NSUN7: variants seen among roughly 807,000 people sequenced by gnomAD.
NSUN7 encodes the protein NOP2/Sun RNA methyltransferase family member 7.
In NSUN7, 39 loss-of-function variants were observed where a neutral mutation model predicts 58.5. The observed-to-expected ratio is 0.67, with a 90% confidence interval of 0.52 to 0.87. NSUN7 has a LOEUF of 0.87. NSUN7 is among the 40% of genes least tolerant of loss of function. NSUN7 has a pLI of 0.00. For synonymous variants in NSUN7, 278 were observed against 303.7 expected, an observed-to-expected ratio of 0.92 and a Z score of 0.88; for missense variants, 765 against 844.1, an observed-to-expected ratio of 0.91 and a Z score of 1.16.
At chr4:40,784,761 TA>T (rs1428115443) in intron 7 of NSUN7, among the ~76,000 whole-genome samples, 1 of 152,222 alleles carries the variant, frequency 6.6e-6, no homozygotes, top group Non-Finnish European at 1.5e-5. Flanking sequence ...GTTGTATACT[TA>T]AACCTTAAGA....
rs1357285618 is a variant in NSUN7, at chr4:40,750,714, A to C, written c.21A>C (p.Glu7Asp). The change falls in exon 2 of 12, where the codon GAA becomes GAC. Residue 7 changes from glutamate (E) to aspartate (D), a missense_variant. By Grantham distance (45) the Glu-to-Asp change is conservative (BLOSUM62 2). Coordinates refer to ENST00000381782, the MANE Select transcript of NSUN7 (RefSeq NM_024677.6). ...CAGACATGCTGAATTCCACGGGCGA[A>C]CTGGAGTTTTCGAACGAAGAAGATC... MLNSTGELEFSNEEDPE... is the reference protein window; with the variant it reads MLNSTGDLEFSNEEDPE... 11 of 1,613,568 alleles carry C rather than the reference A, an allele frequency of 6.8e-6. No individual in the cohort carries two copies. Among genetic ancestry groups the C allele is most frequent in the Non-Finnish European group, 9.3e-6 (11 of 1,179,766 alleles).
Position 40,774,255 on chromosome 4 carries a change from CT to C in NSUN7, c.489-9del. 1 of 1,613,380 alleles carries C rather than the reference CT, an allele frequency of 6.2e-7. No homozygotes were observed. The highest frequency in any genetic ancestry group is 8.5e-7 in the Non-Finnish European group (1 of 1,179,392). On this transcript the variant is annotated splice_polypyrimidine_tract_variant and intron_variant, in intron 4 of 11. Coordinates refer to ENST00000381782, the MANE Select transcript of NSUN7 (RefSeq NM_024677.6). ...ATGCAATAGATTAAGGATGGATTTTCTGTCTCTAGTTTTAAGATAAAATTGG... is the reference window on the plus strand; with the variant it reads ...ATGCAATAGATTAAGGATGGATTTTCGTCTCTAGTTTTAAGATAAAATTGG...
At chr4:40,799,120 C>T (rs142361888) in intron 10 of NSUN7, among the ~76,000 whole-genome samples, 1,916 of 100,140 alleles carry the variant, frequency 0.019, 18 homozygotes, top group Middle Eastern at 0.12. Context: ...GAATCTTGCT[C>T]TGTCATCCAG....
intron 7 of NSUN7, among the ~76,000 whole-genome samples, chr4:40,789,792 G>A (rs143982891): frequency 2.5e-3 from 381 of 152,294 alleles, no homozygotes; most frequent in Middle Eastern, 0.01. Flanking sequence ...ACAGAGAATA[G>A]GAAGAGGGAA....
At chr4:40,803,410 T>A (rs988186251) in intron 10 of NSUN7, among the ~76,000 whole-genome samples, 5 of 152,172 alleles carry the variant, frequency 3.3e-5, no homozygotes, top group Non-Finnish European at 5.9e-5. Context: ...CCGACAGTGT[T>A]AAAGTGTTCC....
rs113768278 is a variant in NSUN7 at position 40,779,163 on chromosome 4, T to TA, written c.1036+2914dup. Among the ~76,000 whole-genome samples, 81 of 147,664 alleles carry TA rather than the reference T, an allele frequency of 5.5e-4. 1 individual carries two copies. Among genetic ancestry groups the TA allele is most frequent in the African/African-American group, 1.5e-3 (62 of 40,316 alleles). On this transcript the variant is annotated intron_variant, in intron 7 of 11. Coordinates refer to ENST00000381782, the MANE Select transcript of NSUN7 (RefSeq NM_024677.6). The stretch of plus-strand genomic sequence containing the variant: ...AGTGAGACACTGTCTCTACTAAAAA[T>TA]AAAAAAAAAATAGCTGGATGTAGTG...
intron 10 of NSUN7, among the ~76,000 whole-genome samples, chr4:40,799,169 T>G (rs1743467001): frequency 7.4e-6 from 1 of 135,720 alleles, no homozygotes; most frequent in Admixed American, 8.3e-5. Flanking sequence ...CACTACAAAC[T>G]CCGCCTCCCA....
chr4:40,808,213 AGT>A (rs1743929179), intron 11 of NSUN7, 92 bp from the exon 12 acceptor site: 1 of 1,352,230 alleles, frequency 7.4e-7, no homozygotes, highest in East Asian at 2.3e-5. Flanking sequence ...TAATAAAGAG[AGT>A]CTTTTTATTT....
chr4:40,774,203 A>G (rs901519534), intron 4 of NSUN7, 62 bp from the exon 5 acceptor site: 30 of 1,385,392 alleles, frequency 2.2e-5, no homozygotes, highest in Non-Finnish European at 2.8e-5. Context: ...TAGAGTTTCC[A>G]GTGGAAAATT....
At chr4:40,784,378 T>A (rs1278391817) in intron 7 of NSUN7, among the ~76,000 whole-genome samples, 1 of 152,176 alleles carries the variant, frequency 6.6e-6, no homozygotes, top group African/African-American at 2.4e-5. Flanking sequence ...AGCCCAAATG[T>A]CCATCAAATG....
intron 2 of NSUN7, among the ~76,000 whole-genome samples, chr4:40,757,690 T>A (rs986022151): frequency 1.0e-4 from 14 of 137,936 alleles, no homozygotes; most frequent in Admixed American, 5.3e-4. Flanking sequence ...ATATACACAC[T>A]GTGTATATAT....
At chr4:40,753,899 T>C (rs1039212885) in intron 2 of NSUN7, among the ~76,000 whole-genome samples, 12 of 152,282 alleles carry the variant, frequency 7.9e-5, no homozygotes, top group Middle Eastern at 3.4e-3. Context: ...TCTGCCGCCA[T>C]GTGAGATGTG....
intron 2 of NSUN7, among the ~76,000 whole-genome samples, chr4:40,754,373 C>T (rs1741030006): frequency 6.6e-6 from 1 of 152,070 alleles, no homozygotes; most frequent in Non-Finnish European, 1.5e-5. Flanking sequence ...GTCTTGAACT[C>T]CTAACCTCAG....
intron 8 of NSUN7, among the ~76,000 whole-genome samples, chr4:40,793,396 G>A (rs769197704): frequency 3.9e-5 from 6 of 151,928 alleles, no homozygotes; most frequent in African/African-American, 1.2e-4. Context: ...GAGCCGAGAT[G>A]GTGCCACTGC....
At chr4:40,807,430 C>G (rs1259125423) in intron 11 of NSUN7, among the ~76,000 whole-genome samples, 1 of 150,946 alleles carries the variant, frequency 6.6e-6, no homozygotes, top group African/African-American at 2.4e-5. Context: ...CTCATTGCAA[C>G]CTCCGCCTCC....
At chr4:40,802,596 C>G (rs1025250469) in intron 10 of NSUN7, among the ~76,000 whole-genome samples, 4 of 150,482 alleles carry the variant, frequency 2.7e-5, no homozygotes, top group Non-Finnish European at 5.9e-5. Flanking sequence ...GCCACACCAG[C>G]ATGTACCAGC....
At position 40,808,480 on chromosome 4, in the gene NSUN7, T is replaced by C. The variant is rs1743974484; in HGVS notation, c.1698T>C (p.Ile566=). ...ATTDNGIQMK[I]AEFLNRETKA... is the part of the protein sequence containing the mutation. The stretch of plus-strand genomic sequence containing the variant: ...CTGATAATGGCATCCAAATGAAAAT[T>C]GCTGAGTTCCTGAATCGAGAAACTA... The change falls in exon 12 of 12, where the codon ATT becomes ATC. Residue 566 remains isoleucine, a synonymous_variant. Transcript: ENST00000381782. The C allele has an allele frequency of 3.2e-6, 5 of 1,573,394 alleles. No homozygotes were observed. Among genetic ancestry groups the C allele is most frequent in the Non-Finnish European group, 4.3e-6 (5 of 1,156,776 alleles).
In NSUN7 at chr4:40,808,555, G is replaced by GA; in HGVS notation, c.1778dup (p.Asn593LysfsTer37). ...CTGTAACAAAACCACCTCTTCCCCA[G>GA]AAAAATACTGCTCAAGTGGGGGCTT... is the stretch of plus-strand genomic sequence containing the variant. On this transcript the variant is annotated frameshift_variant, in exon 12 of 12. Coordinates refer to ENST00000381782, the MANE Select transcript of NSUN7 (RefSeq NM_024677.6). LOFTEE classifies it low-confidence loss of function (END_TRUNC). 2 of 1,551,698 alleles carry GA rather than the reference G, an allele frequency of 1.3e-6. No homozygotes were observed.
At position 40,794,581 on chromosome 4, in the gene NSUN7, C is replaced by G. The variant is rs559282853; in HGVS notation, c.1282+105C>G. The G allele has an allele frequency of 3.8e-5, 23 of 612,996 alleles. No individual in the cohort carries two copies. In the African/African-American group the frequency reaches 4.2e-4, roughly 11 times the overall value. 38.0% of individuals were successfully genotyped at this position (612,996 alleles called of 1,614,324 possible). On this transcript the variant is annotated intron_variant, in intron 9 of 11. Transcript: ENST00000381782. ...CAAGCAATGAAGTGTGAGCCATGAGCACATTTTCCAGAACATTCAGTCTTA... is the reference window on the plus strand; with the variant it reads ...CAAGCAATGAAGTGTGAGCCATGAGGACATTTTCCAGAACATTCAGTCTTA...
Sources: allele counts gnomAD v4.1 joint callset (sites outside exome capture counted in the v4.1 genomes callset), GRCh38; gene constraint gnomAD v4.1.1; transcripts MANE v1.5; gene names NCBI Gene and HGNC (gene_info 2026-07-23, HGNC 2026-07-21).